The following WWTR1 variants were observed in gnomAD, a reference collection of about 807,000 sequenced individuals.
The protein encoded by WWTR1 is WW domain containing transcription regulator 1, also known as WW domain-containing transcription regulator protein 1.
WWTR1 carries 13 observed loss-of-function variants against 40.1 expected under a neutral mutation model. The observed-to-expected ratio is 0.32, with a 90% CI of 0.21 to 0.52. The LOEUF (loss-of-function observed/expected upper bound fraction) is 0.52, where lower values mean the gene tolerates loss of function less well. Ranked by LOEUF, WWTR1 falls within the 20% of genes least tolerant of loss-of-function variation. WWTR1 has a pLI of 0.97. For missense variants in WWTR1, 436 were observed against 523.1 expected (o/e 0.83, Z 1.63); for synonymous variants, 230 against 210.1 (o/e 1.09, Z -0.82).
At position 149,551,055 on chromosome 3, in the gene WWTR1, T is replaced by C. The variant is rs1415844706; in HGVS notation, c.569-8518A>G. On this transcript the variant is annotated intron_variant, in intron 3 of 6. Transcript: ENST00000360632. ...GGCTCAGGCAGTAATCCCAGCACTT[T>C]GGGAGGCTGAGGCGGGCAAATCACC... 1.4e-5 allele frequency among the ~76,000 whole-genome samples: 2 copies of C among 144,832 alleles called. 1 individual carries two copies. Among genetic ancestry groups the C allele is most frequent in the East Asian group, 4.1e-4 (2 of 4,904 alleles).
At chr3:149,590,999 C>CTTT (rs35562651) in intron 2 of WWTR1, among the ~76,000 whole-genome samples, 1 of 144,224 alleles carries the variant, frequency 6.9e-6, no homozygotes, top group Non-Finnish European at 1.5e-5. Context: ...CAAAACTTAG[C>CTTT]TTTTTTTTTT....
intron 2 of WWTR1, among the ~76,000 whole-genome samples, chr3:149,619,060 A>T (rs2108081512): frequency 1.3e-5 from 2 of 152,346 alleles, no homozygotes; most frequent in Middle Eastern, 6.8e-3. Flanking sequence ...AGACAGAAAC[A>T]ATGGCAGAGA....
chr3:149,678,950 C>T (rs536700675), intron 1 of WWTR1, among the ~76,000 whole-genome samples: 1 of 152,108 alleles, frequency 6.6e-6, no homozygotes, highest in East Asian at 1.9e-4. Context: ...CTGCCTCTGC[C>T]TCCCTAGTAT....
intron 2 of WWTR1, among the ~76,000 whole-genome samples, chr3:149,624,081 T>C (rs1740439050): frequency 6.6e-6 from 1 of 152,202 alleles, no homozygotes; most frequent in Non-Finnish European, 1.5e-5. Context: ...ACCACTTCCA[T>C]TGAGGAACTA....
At chr3:149,528,674 G>A (rs1041653761) in intron 4 of WWTR1, among the ~76,000 whole-genome samples, 1 of 151,998 alleles carries the variant, frequency 6.6e-6, no homozygotes, top group African/African-American at 2.4e-5. Flanking sequence ...GGAGGCTGAG[G>A]CAGGAGGAGC....
intron 2 of WWTR1, among the ~76,000 whole-genome samples, chr3:149,621,874 G>A (rs373071629): frequency 7.9e-5 from 12 of 152,240 alleles, no homozygotes; most frequent in East Asian, 5.8e-4. Context: ...AATTAGTTAC[G>A]TGGTTTTTCT....
chr3:149,573,344 G>T (rs1161466442), intron 2 of WWTR1, among the ~76,000 whole-genome samples: 1 of 152,078 alleles, frequency 6.6e-6, no homozygotes, highest in Non-Finnish European at 1.5e-5. Flanking sequence ...TCACTGGAGT[G>T]CCATAGTGTG....
intron 1 of WWTR1, among the ~76,000 whole-genome samples, chr3:149,689,412 C>CAA (rs1469140968): frequency 1.2e-5 from 1 of 80,216 alleles, no homozygotes; most frequent in Admixed American, 1.3e-4. Flanking sequence ...GCAAAGAAGA[C>CAA]AGAAAAAAAA....
In WWTR1 at chr3:149,518,379, TGA is replaced by T. The variant is rs1386861119; in HGVS notation, c.*2424_*2425del. Reference sequence around the variant, plus strand: ...TCTCTTACATTTAATAACCTGAAAATGAGTCTATAAAAATATTTTTTAAAAAT... The same window carrying T: ...TCTCTTACATTTAATAACCTGAAAATGTCTATAAAAATATTTTTTAAAAAT... On this transcript the variant is annotated 3_prime_UTR_variant, in exon 7 of 7. Coordinates refer to ENST00000360632, the MANE Select transcript of WWTR1 (RefSeq NM_015472.6). 1 of 151,998 alleles carries T rather than the reference TGA, an allele frequency of 6.6e-6. No homozygotes were observed. Among genetic ancestry groups the T allele is most frequent in the Admixed American group, 6.6e-5 (1 of 15,258 alleles). The allele number at this position is 151,998 out of a possible 1,614,324, so 9.4% of individuals were successfully genotyped here. A position where few individuals can be genotyped will look rare whatever the true frequency, so the allele number is the denominator to read the frequency against.
chr3:149,543,469 C>A (rs995742221), intron 3 of WWTR1, among the ~76,000 whole-genome samples: 1 of 149,262 alleles, frequency 6.7e-6, no homozygotes, highest in African/African-American at 2.5e-5. Context: ...GTAGTCCCAG[C>A]TACTCAGGAG....
chr3:149,662,821 C>G (rs1277759367), upstream of WWTR1, among the ~76,000 whole-genome samples: 1 of 152,150 alleles, frequency 6.6e-6, no homozygotes, highest in African/African-American at 2.4e-5. Flanking sequence ...AATAAAGTAT[C>G]TTTCTCCCAC....
intron 2 of WWTR1, among the ~76,000 whole-genome samples, chr3:149,630,171 A>C (rs986003707): frequency 7.9e-5 from 12 of 152,166 alleles, no homozygotes; most frequent in African/African-American, 2.7e-4. Flanking sequence ...AGAATAATAA[A>C]ATCTTCGGTG....
intron 1 of WWTR1, among the ~76,000 whole-genome samples, chr3:149,696,427 A>T (rs925332743): frequency 6.6e-6 from 1 of 152,180 alleles, no homozygotes; most frequent in Non-Finnish European, 1.5e-5. Flanking sequence ...TCTTATGATG[A>T]CCTTACAAGG....
intron 2 of WWTR1, among the ~76,000 whole-genome samples, chr3:149,654,808 T>G (rs1713099772): frequency 6.6e-6 from 1 of 152,216 alleles, no homozygotes; most frequent in South Asian, 2.1e-4. Flanking sequence ...GTGTATATAT[T>G]CATAAACACA....
intron 2 of WWTR1, among the ~76,000 whole-genome samples, chr3:149,624,608 G>T (rs562344948): frequency 4.9e-4 from 74 of 152,328 alleles, no homozygotes; most frequent in African/African-American, 1.7e-3. Context: ...GATCAAGTTT[G>T]CTGCATCCTT....
At chr3:149,708,174 T>A (rs1024549733), upstream of WWTR1, among the ~76,000 whole-genome samples, 1 of 152,088 alleles carries the variant, frequency 6.6e-6, no homozygotes, top group South Asian at 2.1e-4. Context: ...TCAACAGGCA[T>A]TTTTCCCCAA....
intron 4 of WWTR1, among the ~76,000 whole-genome samples, chr3:149,533,533 C>A (rs2107920744): frequency 6.6e-6 from 1 of 152,340 alleles, no homozygotes; most frequent in African/African-American, 2.4e-5. Flanking sequence ...CAGTTCAGGG[C>A]AGGAACTGCC....
rs868244981 is a variant in WWTR1, at chr3:149,562,244, G to A, written c.568+10620C>T. 7.3e-5 allele frequency among the ~76,000 whole-genome samples: 11 copies of A among 151,286 alleles called. No homozygotes were observed. The Middle Eastern group carries it at 0.01, about 141-fold the overall frequency. On this transcript the variant is annotated intron_variant, in intron 3 of 6. Coordinates refer to ENST00000360632, the MANE Select transcript of WWTR1 (RefSeq NM_015472.6). ...TGGGAGGCAGAGGTTGCAGTGAGCC[G>A]AGGTCTTGCCACTGCACTCCAGCCT...
At chr3:149,589,811 TGAATGAAC>T (rs1463198343) in intron 2 of WWTR1, among the ~76,000 whole-genome samples, 1 of 142,148 alleles carries the variant, frequency 7.0e-6, no homozygotes, top group Non-Finnish European at 1.5e-5. Context: ...AATGAATGAA[TGAATGAAC>T]ATATTTAATG....
Sources: gnomAD v4.1 joint callset for allele counts (sites outside exome capture counted in the v4.1 genomes callset) on GRCh38, gnomAD v4.1.1 for gene constraint, MANE v1.5 for transcripts, NCBI Gene and HGNC (gene_info 2026-07-23, HGNC 2026-07-21) for gene names.